The following TMEM123 variants were observed in gnomAD, a reference collection of about 807,000 sequenced individuals.
TMEM123 encodes the protein porimin.
In TMEM123, 16 loss-of-function variants were observed where a neutral mutation model predicts 19.7. The ratio of observed to expected loss-of-function variants is 0.81; its 90% CI spans 0.55 to 1.23. The LOEUF (loss-of-function observed/expected upper bound fraction) is 1.23. Ranked by LOEUF, TMEM123 falls within the 50% of genes most tolerant of loss-of-function variation. The pLI, the probability that TMEM123 is intolerant of heterozygous loss-of-function variation, is 0.00. For synonymous variants in TMEM123, 118 were observed against 99.4 expected, an observed-to-expected ratio of 1.19 and a Z score of -1.12; for missense variants, 313 against 257.8, an observed-to-expected ratio of 1.21 and a Z score of -1.47.
chr11:102,414,929 A>C (rs150113479), intron 2 of TMEM123, among the ~76,000 whole-genome samples: 1 of 152,332 alleles, frequency 6.6e-6, no homozygotes, highest in African/African-American at 2.4e-5. Context: ...GCAAAACCTA[A>C]TCGTAAGCTA....
intron 2 of TMEM123, among the ~76,000 whole-genome samples, chr11:102,413,418 T>C (rs1228248615): frequency 6.6e-6 from 1 of 152,178 alleles, no homozygotes; most frequent in Non-Finnish European, 1.5e-5. Context: ...CCATCACCAC[T>C]GGCACATACA....
chr11:102,411,166 G>C (rs1430298481), intron 2 of TMEM123, among the ~76,000 whole-genome samples: 1 of 152,134 alleles, frequency 6.6e-6, no homozygotes. Flanking sequence ...AGAAATACCA[G>C]GTGATTAGCG....
intron 2 of TMEM123, chr11:102,448,412 C>T: frequency 2.6e-6 from 1 of 382,958 alleles, no homozygotes; most frequent in South Asian, 1.9e-5. Context: ...TCCTTAGAGT[C>T]AGCAGAGGTA....
intron 2 of TMEM123, among the ~76,000 whole-genome samples, chr11:102,415,143 C>T (rs771787716): frequency 6.6e-6 from 1 of 152,180 alleles, no homozygotes; most frequent in Non-Finnish European, 1.5e-5. Context: ...ACTTAACTAT[C>T]CCATATAAAT....
chr11:102,438,766 G>C (rs1051513982), intron 2 of TMEM123, among the ~76,000 whole-genome samples: 1 of 152,236 alleles, frequency 6.6e-6, no homozygotes, highest in Non-Finnish European at 1.5e-5. Flanking sequence ...AGCCCACAGA[G>C]CGTAAGCCGA....
chr11:102,432,401 C>G (rs770615720), intron 2 of TMEM123, among the ~76,000 whole-genome samples: 1 of 152,202 alleles, frequency 6.6e-6, no homozygotes, highest in Non-Finnish European at 1.5e-5. Flanking sequence ...AAAGGTCACT[C>G]TTGCTATGCT....
chr11:102,452,572 G>A lies in TMEM123; in HGVS notation c.52C>T (p.Gln18Ter). The A allele has an allele frequency of 1.3e-6, 2 of 1,574,362 alleles. No individual in the cohort carries two copies. The highest frequency in any genetic ancestry group is 2.3e-5 in the East Asian group (1 of 42,778). The part of the protein sequence containing the change: ...AWAALLLGTL[Q>*]VLALLGAAHE... ...GCGGCCCCCAGCAGCGCTAGCACCT[G>A]CAGCGTCCCCAGGAGCAGCGCGGCC... Residue 18 changes from glutamine (Q) to a stop codon, truncating the protein, a stop_gained, in exon 1 of 5, where the codon CAG (glutamine) becomes TAG (stop). Transcript: ENST00000398136. LOFTEE classifies it high-confidence loss of function.
chr11:102,402,579 A>G, intron 2 of TMEM123, among the ~76,000 whole-genome samples: 1 of 152,332 alleles, frequency 6.6e-6, no homozygotes, highest in East Asian at 1.9e-4. Flanking sequence ...GAATGGATGG[A>G]TAAACTAATG....
intron 2 of TMEM123, among the ~76,000 whole-genome samples, chr11:102,433,005 G>C (rs995435609): frequency 6.6e-6 from 1 of 152,020 alleles, no homozygotes; most frequent in African/African-American, 2.4e-5. Flanking sequence ...GAAATGCCTG[G>C]AAGTCCAGGC....
At chr11:102,421,970 T>C (rs913128715) in intron 2 of TMEM123, among the ~76,000 whole-genome samples, 2 of 152,220 alleles carry the variant, frequency 1.3e-5, no homozygotes, top group South Asian at 2.1e-4. Flanking sequence ...GAAGACACTT[T>C]AACTTAGGTC....
chr11:102,400,498 C>T (rs1387984706), intron 4 of TMEM123, among the ~76,000 whole-genome samples: 1 of 152,158 alleles, frequency 6.6e-6, no homozygotes, highest in Non-Finnish European at 1.5e-5. Flanking sequence ...AATGTTAACC[C>T]ACAGGGCAAA....
Position 102,420,883 on chromosome 11 carries a change from G to T in TMEM123, c.158-18677C>A, listed in dbSNP as rs545035493. 3.3e-5 allele frequency among the ~76,000 whole-genome samples: 5 copies of T among 152,100 alleles called. No homozygotes were observed. In the South Asian group the frequency reaches 1.0e-3, roughly 32 times the overall value. On this transcript the variant is annotated intron_variant, in intron 2 of 4. Coordinates refer to ENST00000398136, the MANE Select transcript of TMEM123 (RefSeq NM_052932.3). ...GCCAACATGGTGAAACCCTGTCTCT[G>T]CAAAAATACAAAAATTACCCAGGTG...
chr11:102,418,366 A>T (rs1237974084), intron 2 of TMEM123, among the ~76,000 whole-genome samples: 2 of 152,226 alleles, frequency 1.3e-5, no homozygotes, highest in East Asian at 3.8e-4. Context: ...AAAGGATATG[A>T]ACAGACACTT....
Position 102,447,340 on chromosome 11 carries a change from A to G in TMEM123, c.157+1472T>C, listed in dbSNP as rs966828639. On this transcript the variant is annotated intron_variant, in intron 2 of 4. Coordinates refer to ENST00000398136, the MANE Select transcript of TMEM123 (RefSeq NM_052932.3). Reference sequence around the variant, plus strand: ...GTGATAAAGAGACATAGGTTTTAGAATACAACTGGGTTTCAAATCCTGAAT... The same window carrying G: ...GTGATAAAGAGACATAGGTTTTAGAGTACAACTGGGTTTCAAATCCTGAAT... Among the ~76,000 whole-genome samples the G allele has an allele frequency of 2.4e-4, 37 of 152,224 alleles. 1 individual carries two copies. The highest frequency in any genetic ancestry group is 8.9e-4 in the African/African-American group (37 of 41,462).
chr11:102,448,801 T>C lies in TMEM123; in HGVS notation c.157+11A>G. 6.2e-7 allele frequency: 1 copy of C among 1,613,256 alleles called. No homozygotes were observed. On this transcript the variant is annotated intron_variant, in intron 2 of 4. Coordinates refer to ENST00000398136, the MANE Select transcript of TMEM123 (RefSeq NM_052932.3). ...AATGAAAATTTGTTTTTTTAATCTTTTAAAACTCACCTGTTGAGTTAGCAC... is the reference window on the plus strand; with the variant it reads ...AATGAAAATTTGTTTTTTTAATCTTCTAAAACTCACCTGTTGAGTTAGCAC...
intron 2 of TMEM123, among the ~76,000 whole-genome samples, chr11:102,444,150 G>C (rs1857857478): frequency 6.6e-6 from 1 of 152,172 alleles, no homozygotes; most frequent in African/African-American, 2.4e-5. Context: ...GATTCCTCAA[G>C]GATCCAGAAC....
intron 2 of TMEM123, among the ~76,000 whole-genome samples, chr11:102,438,005 C>T (rs181928588): frequency 5.4e-4 from 82 of 152,220 alleles, no homozygotes; most frequent in African/African-American, 1.8e-3. Context: ...CTTTTTTCCA[C>T]ATCACCCTCT....
intron 2 of TMEM123, among the ~76,000 whole-genome samples, chr11:102,439,942 T>C (rs940631625): frequency 5.3e-5 from 8 of 152,222 alleles, no homozygotes; most frequent in Non-Finnish European, 8.8e-5. Context: ...TAGAAGAAAG[T>C]GTATCAGTGA....
intron 2 of TMEM123, among the ~76,000 whole-genome samples, chr11:102,433,767 T>C (rs544386353): frequency 3.3e-5 from 5 of 151,834 alleles, no homozygotes; most frequent in African/African-American, 4.8e-5. Flanking sequence ...AACTGAATCA[T>C]AGGGGTGGTT....
Sources: gnomAD v4.1 joint callset for allele counts (sites outside exome capture counted in the v4.1 genomes callset) on GRCh38, gnomAD v4.1.1 for gene constraint, MANE v1.5 for transcripts, NCBI Gene and HGNC (gene_info 2026-07-23, HGNC 2026-07-21) for gene names.